The following PREP variants were observed in gnomAD, a reference collection of about 807,000 sequenced individuals.
PREP encodes prolyl endopeptidase, also known as dJ355L5.1 (prolyl endopeptidase).
A neutral mutation model predicts 87.6 loss-of-function variants in PREP; 29 were observed. The observed-to-expected ratio is 0.33, with a 90% CI of 0.25 to 0.45. The LOEUF is 0.45. Ranked by LOEUF, PREP falls within the 20% of genes least tolerant of loss-of-function variation. PREP has a pLI of 1.00. For synonymous variants in PREP, 337 were observed against 328.6 expected, an observed-to-expected ratio of 1.03 and a Z score of -0.28; for missense variants, 695 against 886.5, an observed-to-expected ratio of 0.78 and a Z score of 2.74.
intron 1 of PREP, among the ~76,000 whole-genome samples, chr6:105,401,230 G>T (rs1266101606): frequency 2.0e-5 from 3 of 152,188 alleles, no homozygotes; most frequent in Non-Finnish European, 2.9e-5. Context: ...CACCCACAGT[G>T]GTGAAAAACT....
intron 10 of PREP, among the ~76,000 whole-genome samples, chr6:105,307,571 T>C (rs1377260014): frequency 6.6e-6 from 1 of 152,144 alleles, no homozygotes; most frequent in Non-Finnish European, 1.5e-5. Context: ...AATAAATATC[T>C]GTGAAATAAT....
chr6:105,322,485 G>A (rs1771037069), intron 10 of PREP: 3 of 985,358 alleles, frequency 3.0e-6, no homozygotes, highest in Non-Finnish European at 3.6e-6. Flanking sequence ...TCTTGACCCT[G>A]TATGTCTTCT....
intron 6 of PREP, among the ~76,000 whole-genome samples, chr6:105,354,328 T>C (rs1772037267): frequency 6.6e-6 from 1 of 152,230 alleles, no homozygotes; most frequent in African/African-American, 2.4e-5. Context: ...TGGTAGGACA[T>C]GCACATATTC....
At chr6:105,281,957 TAAAC>T in intron 13 of PREP, 55 bp from the exon 14 acceptor site, 2 of 1,588,298 alleles carry the variant, frequency 1.3e-6, no homozygotes, top group Non-Finnish European at 1.7e-6. Flanking sequence ...AACATCTACA[TAAAC>T]AAGGCAAGGC....
chr6:105,329,112 A>G, intron 8 of PREP, 86 bp from the exon 9 acceptor site: 1 of 1,260,462 alleles, frequency 7.9e-7, no homozygotes, highest in Non-Finnish European at 1.1e-6. Context: ...CCAGAGCTAC[A>G]CATAGGGCTA....
chr6:105,353,055 A>C lies in PREP; in HGVS notation c.740T>G (p.Val247Gly). 1 of 1,613,958 alleles carries C rather than the reference A, an allele frequency of 6.2e-7. No homozygotes were observed. The stretch of plus-strand genomic sequence containing the variant: ...ACATCCTTCCCTTATTGATAACAAG[A>C]CATAGCGGCCATCATCAGATAACTA... ...GAELSDDGRYVLLSIREGCDP... is the reference protein window; with the variant it reads ...GAELSDDGRYGLLSIREGCDP... Residue 247 changes from valine (V) to glycine (G), a missense_variant, in exon 7 of 15, where the codon GTC becomes GGC. Val to Gly is a moderately radical substitution (Grantham distance 109, BLOSUM62 -3). Coordinates refer to ENST00000652536, the MANE Select transcript of PREP (RefSeq NM_002726.5).
intron 1 of PREP, among the ~76,000 whole-genome samples, chr6:105,402,387 T>A (rs573517592): frequency 6.6e-6 from 1 of 152,036 alleles, no homozygotes; most frequent in African/African-American, 2.4e-5. Flanking sequence ...GTGTAAGTTT[T>A]AAAAGTTTGT....
At chr6:105,371,498 C>A (rs796777952) in intron 5 of PREP, among the ~76,000 whole-genome samples, 6 of 57,378 alleles carry the variant, frequency 1.0e-4, no homozygotes, top group African/African-American at 5.4e-4. Flanking sequence ...GAGATTCCAT[C>A]TCAAAAAAAA....
chr6:105,358,835 T>G (rs1381881909), intron 6 of PREP, among the ~76,000 whole-genome samples: 1 of 152,178 alleles, frequency 6.6e-6, no homozygotes, highest in East Asian at 1.9e-4. Flanking sequence ...GGTACTTGGT[T>G]ATGCCATTCG....
In PREP at chr6:105,273,711, C is replaced by T. The variant is rs533046779; in HGVS notation, c.*4433G>A. 2 of 152,312 alleles carry T rather than the reference C, an allele frequency of 1.3e-5. No individual in the cohort carries two copies. The highest frequency in any genetic ancestry group is 2.9e-5 in the Non-Finnish European group (2 of 68,158). The allele number at this position is 152,312 out of a possible 1,614,324, so 9.4% of individuals were successfully genotyped here. ...TGCTGTCAGTTTCCCACAGTGTTGTCGGCTTTCATCTCTCAGTGGCTTCAC... is the reference window on the plus strand; with the variant it reads ...TGCTGTCAGTTTCCCACAGTGTTGTTGGCTTTCATCTCTCAGTGGCTTCAC... On this transcript the variant is annotated 3_prime_UTR_variant, in exon 15 of 15. Coordinates refer to ENST00000652536, the MANE Select transcript of PREP (RefSeq NM_002726.5).
At chr6:105,372,754 C>T (rs778265350) in intron 5 of PREP, among the ~76,000 whole-genome samples, 1 of 152,180 alleles carries the variant, frequency 6.6e-6, no homozygotes, top group Non-Finnish European at 1.5e-5. Context: ...TAGCTTGGTT[C>T]GGTTTAAAAA....
In PREP at chr6:105,276,791, G is replaced by T. The variant is rs575689058; in HGVS notation, c.*1353C>A. 5.9e-5 allele frequency among the ~76,000 whole-genome samples: 9 copies of T among 152,212 alleles called. No homozygotes were observed. The South Asian group carries it at 1.7e-3, about 28-fold the overall frequency. On this transcript the variant is annotated 3_prime_UTR_variant, in exon 15 of 15. Transcript: ENST00000652536. ...TGCAGTGATATGCTTGATAGAAAAT[G>T]GTATGTCTAATTTTTGACCATAACT...
rs1253216471 is a variant in PREP at position 105,333,160 on chromosome 6, A to G, written c.1015+154T>C. ...GCTACAAAGATATCACACAATGAAAACTTGGATGAACTATTTAGACACTTC... is the reference window on the plus strand; with the variant it reads ...GCTACAAAGATATCACACAATGAAAGCTTGGATGAACTATTTAGACACTTC... On this transcript the variant is annotated intron_variant, in intron 8 of 14. Coordinates refer to ENST00000652536, the MANE Select transcript of PREP (RefSeq NM_002726.5). Among the ~76,000 whole-genome samples, 3 of 152,154 alleles carry G rather than the reference A, an allele frequency of 2.0e-5. No homozygotes were observed. In the East Asian group the frequency reaches 5.8e-4, roughly 29 times the overall value.
intron 8 of PREP, among the ~76,000 whole-genome samples, chr6:105,330,371 G>A (rs1771294937): frequency 6.6e-6 from 1 of 152,172 alleles, no homozygotes; most frequent in African/African-American, 2.4e-5. Context: ...CAAATGAAAG[G>A]TATTTCCCAA....
intron 10 of PREP, among the ~76,000 whole-genome samples, chr6:105,312,805 C>T (rs969348557): frequency 6.6e-6 from 1 of 152,032 alleles, no homozygotes; most frequent in African/African-American, 2.4e-5. Context: ...GAAAAATGAG[C>T]AGAACCAGGA....
intron 2 of PREP, among the ~76,000 whole-genome samples, chr6:105,394,271 A>G (rs755351053): frequency 6.6e-6 from 1 of 152,230 alleles, no homozygotes; most frequent in Non-Finnish European, 1.5e-5. Context: ...ATTCAAAATA[A>G]CAATTTAAAC....
chr6:105,279,573 C>T (rs924405858), intron 14 of PREP, among the ~76,000 whole-genome samples: 1 of 152,116 alleles, frequency 6.6e-6, no homozygotes, highest in African/African-American at 2.4e-5. Flanking sequence ...AGCTCTAGCT[C>T]TTTTTTTGGG....
intron 6 of PREP, among the ~76,000 whole-genome samples, chr6:105,358,695 A>G (rs535055965): frequency 6.6e-6 from 1 of 152,212 alleles, no homozygotes; most frequent in Admixed American, 6.5e-5. Context: ...TCAGGGAGTA[A>G]TTCACTCTTC....
chr6:105,347,389 A>G lies in PREP; in HGVS notation c.823+5583T>C, dbSNP rs116586576. 6.4e-3 allele frequency among the ~76,000 whole-genome samples: 976 copies of G among 152,312 alleles called. 9 individuals carry two copies. The highest frequency in any genetic ancestry group is 0.023 in the African/African-American group (947 of 41,554). ...ATTAATGCATGTCTAATTCATAACT[A>G]AATATATGATTTAGGTACTCCTACA... On this transcript the variant is annotated intron_variant, in intron 7 of 14. Transcript: ENST00000652536.
Sources: allele counts gnomAD v4.1 joint callset (sites outside exome capture counted in the v4.1 genomes callset), GRCh38; gene constraint gnomAD v4.1.1; transcripts MANE v1.5; gene names NCBI Gene and HGNC (gene_info 2026-07-23, HGNC 2026-07-21).